SEC14L4: variants seen among roughly 807,000 people sequenced by gnomAD.
The protein encoded by SEC14L4 is SEC14-like protein 4.
SEC14L4 carries 42 observed loss-of-function variants against 55.1 expected under a neutral mutation model. The observed-to-expected ratio is 0.76, with a 90% CI of 0.60 to 0.99. SEC14L4 has a LOEUF of 0.99. SEC14L4 is among the 50% of genes least tolerant of loss of function. SEC14L4 has a pLI of 0.00. For missense variants in SEC14L4, 445 were observed against 512.1 expected (o/e 0.87, Z 1.27); for synonymous variants, 206 against 206.8 (o/e 1.00, Z 0.03).
chr22:30,498,145 T>G (rs77933107), intron 2 of SEC14L4, among the ~76,000 whole-genome samples: 2 of 147,364 alleles, frequency 1.4e-5, no homozygotes. Flanking sequence ...TTTTTTTTTT[T>G]TTGAGACAGA....
rs754247839 is a variant in SEC14L4 at position 30,494,878 on chromosome 22, C to T, written c.507G>A (p.Glu169=). The change falls in exon 6 of 12, where the codon GAG becomes GAA. Residue 169 remains glutamate, a synonymous_variant. Coordinates refer to ENST00000255858, the MANE Select transcript of SEC14L4 (RefSeq NM_174977.4). ...CCACCCACCTTACCTGCTGGTAGAC[C>T]TCCACAGCTGGCTTCCACAGGTGTT... ...SLKHLWKPAV[E]VYQQFFSILE... 6.2e-7 allele frequency: 1 copy of T among 1,613,052 alleles called. No individual in the cohort carries two copies. Among genetic ancestry groups the T allele is most frequent in the South Asian group, 1.1e-5 (1 of 91,052 alleles).
chr22:30,494,557 G>A (rs1936075561), intron 6 of SEC14L4, among the ~76,000 whole-genome samples: 1 of 152,024 alleles, frequency 6.6e-6, no homozygotes, highest in Non-Finnish European at 1.5e-5. Flanking sequence ...TATTATTGTT[G>A]GTAGAGATGA....
At position 30,503,592 on chromosome 22, in the gene SEC14L4, C is replaced by T. The variant is rs1340428247; in HGVS notation, c.130+85G>A. 6 of 966,686 alleles carry T rather than the reference C, an allele frequency of 6.2e-6. No homozygotes were observed. The African/African-American group carries it at 8.0e-5, about 13-fold the overall frequency. 59.9% of individuals were successfully genotyped at this position (966,686 alleles called of 1,614,324 possible). On this transcript the variant is annotated intron_variant, in intron 2 of 11. Coordinates refer to ENST00000255858, the MANE Select transcript of SEC14L4 (RefSeq NM_174977.4). ...TGTGTTCTTTACTACCCTACAGCTC[C>T]ATTCCCTCAAAGTCTCCCACTCCTC...
At chr22:30,502,483 C>G (rs565765491) in intron 2 of SEC14L4, among the ~76,000 whole-genome samples, 1 of 152,326 alleles carries the variant, frequency 6.6e-6, no homozygotes, top group Admixed American at 6.5e-5. Flanking sequence ...TCACTCATCT[C>G]AAGTTCAAAA....
In SEC14L4 at chr22:30,491,932, G is replaced by A. The variant is rs61741444; in HGVS notation, c.813C>T (p.Cys271=). The A allele has an allele frequency of 0.038, 60,839 of 1,613,876 alleles. 1,919 individuals are homozygous for A. Among genetic ancestry groups the A allele is most frequent in the South Asian group, 0.13 (12,017 of 91,042 alleles). The change falls in exon 10 of 12, where the codon TGC becomes TGT. Residue 271 remains cysteine (C), a synonymous_variant. Transcript: ENST00000255858. ...GCTCATACTGCAGCCTCACCTGCTC[G>A]CACAGGTAGTAGCTCTTGGGCACCT... ...GGEVPKSYYL[C]EQVRLQYEHT...
chr22:30,505,438 C>T, intron 1 of SEC14L4, 120 bp downstream of exon 1: 2 of 1,070,626 alleles, frequency 1.9e-6, no homozygotes, highest in Non-Finnish European at 1.4e-6. Flanking sequence ...GAGGGCAGAA[C>T]AGAGGCGCTC....
At position 30,490,049 on chromosome 22, in the gene SEC14L4, G is replaced by A; in HGVS notation, c.*58C>T. 6.3e-7 allele frequency: 1 copy of A among 1,599,820 alleles called. No homozygotes were observed. Among genetic ancestry groups the A allele is most frequent in the Non-Finnish European group, 8.5e-7 (1 of 1,172,010 alleles). On this transcript the variant is annotated 3_prime_UTR_variant, in exon 12 of 12. Coordinates refer to ENST00000255858, the MANE Select transcript of SEC14L4 (RefSeq NM_174977.4). Reference sequence around the variant, plus strand: ...AGCACCACCCTGCCTGGGAAGGCAGGGGTCAGAGGGGTGGGTGTGAAGGGG... The same window carrying A: ...AGCACCACCCTGCCTGGGAAGGCAGAGGTCAGAGGGGTGGGTGTGAAGGGG...
intron 4 of SEC14L4, 21 bp downstream of exon 4, chr22:30,495,562 G>C: frequency 2.5e-6 from 4 of 1,613,786 alleles, no homozygotes; most frequent in Non-Finnish European, 3.4e-6. Context: ...GATGGCCTGG[G>C]GGATGCTGCT....
chr22:30,496,018 G>A (rs766900894), intron 2 of SEC14L4, 47 bp from the exon 3 acceptor site: 3 of 1,576,468 alleles, frequency 1.9e-6, no homozygotes, highest in East Asian at 4.5e-5. Context: ...GATCCAGAAA[G>A]AGCCCTTCCC....
intron 7 of SEC14L4, among the ~76,000 whole-genome samples, chr22:30,493,422 G>C (rs1203075720): frequency 1.3e-5 from 2 of 152,130 alleles, no homozygotes; most frequent in Non-Finnish European, 2.9e-5. Flanking sequence ...GGAAAACTGA[G>C]GCTCAGTGAG....
chr22:30,494,762 A>C, intron 6 of SEC14L4, 104 bp downstream of exon 6: 6 of 737,678 alleles, frequency 8.1e-6, no homozygotes, highest in Non-Finnish European at 1.4e-5. Context: ...CCTGCAAGGC[A>C]TCCCCACCCC....
intron 6 of SEC14L4, 103 bp from the exon 7 acceptor site, chr22:30,494,313 C>T: frequency 1.2e-6 from 1 of 823,006 alleles, no homozygotes; most frequent in Non-Finnish European, 2.1e-6. Flanking sequence ...CCATCCCTGG[C>T]CCATCCTACC....
chr22:30,494,259 G>T, intron 6 of SEC14L4, 49 bp from the exon 7 acceptor site: 2 of 1,470,138 alleles, frequency 1.4e-6, no homozygotes, highest in Non-Finnish European at 1.9e-6. Context: ...ATCACCTCCC[G>T]CCCATGGGTT....
At chr22:30,501,846 C>CATACATAT (rs1555877930) in intron 2 of SEC14L4, among the ~76,000 whole-genome samples, 1 of 111,910 alleles carries the variant, frequency 8.9e-6, no homozygotes, top group Non-Finnish European at 1.8e-5. Flanking sequence ...CACACACGCA[C>CATACATAT]ATATATATAT....
chr22:30,489,842 G>A lies in SEC14L4; in HGVS notation c.*265C>T. 6.5e-7 allele frequency: 1 copy of A among 1,549,640 alleles called. No individual in the cohort carries two copies. ...AAGCAGGACCCATCCTCAGTGGACT[G>A]GATCATCTTCAGCGTTCTCATTCTC... is the stretch of plus-strand genomic sequence containing the variant. On this transcript the variant is annotated 3_prime_UTR_variant, in exon 12 of 12. Coordinates refer to ENST00000255858, the MANE Select transcript of SEC14L4 (RefSeq NM_174977.4).
At chr22:30,503,244 A>C (rs147473095) in intron 2 of SEC14L4, among the ~76,000 whole-genome samples, 244 of 151,228 alleles carry the variant, frequency 1.6e-3, no homozygotes, top group Middle Eastern at 6.9e-3. Flanking sequence ...GGCTGATTCC[A>C]GACCCTGTGT....
chr22:30,499,683 G>A (rs1211895520), intron 2 of SEC14L4, among the ~76,000 whole-genome samples: 1 of 151,574 alleles, frequency 6.6e-6, no homozygotes, highest in Non-Finnish European at 1.5e-5. Context: ...AGGTTGCAGT[G>A]AGCCAAACTT....
chr22:30,495,755 G>T, intron 3 of SEC14L4, 113 bp from the exon 4 acceptor site: 1 of 1,607,170 alleles, frequency 6.2e-7, no homozygotes, highest in South Asian at 1.1e-5. Context: ...GGCTCTCAGA[G>T]CGTGGGGACA....
chr22:30,502,761 G>T (rs954476652), intron 2 of SEC14L4, among the ~76,000 whole-genome samples: 1 of 152,080 alleles, frequency 6.6e-6, no homozygotes, highest in Non-Finnish European at 1.5e-5. Flanking sequence ...ATGTTGCCCA[G>T]GCTGGTCTTG....
Sources: gnomAD v4.1 joint callset for allele counts (sites outside exome capture counted in the v4.1 genomes callset) on GRCh38, gnomAD v4.1.1 for gene constraint, MANE v1.5 for transcripts, NCBI Gene and HGNC (gene_info 2026-07-23, HGNC 2026-07-21) for gene names.